FGF12: variants seen among roughly 807,000 people sequenced by gnomAD.
The protein encoded by FGF12 is fibroblast growth factor 12B.
Under a neutral mutation model 23.6 loss-of-function variants are expected in FGF12, and 14 were observed. The ratio of observed to expected loss-of-function variants is 0.59; its 90% confidence interval spans 0.39 to 0.93. The LOEUF (loss-of-function observed/expected upper bound fraction) is 0.93, where lower values mean the gene tolerates loss of function less well. Among genes scored for constraint, FGF12 ranks in the 40% least tolerant of loss-of-function variants. FGF12 has a pLI of 0.00. For missense variants in FGF12, 175 were observed against 217.8 expected (o/e 0.80, Z 1.24); for synonymous variants, 62 against 77.3 (o/e 0.80, Z 1.04).
At chr3:192,605,458 A>G (rs1175859265) in intron 2 of FGF12, among the ~76,000 whole-genome samples, 1 of 152,016 alleles carries the variant, frequency 6.6e-6, no homozygotes, top group Non-Finnish European at 1.5e-5. Flanking sequence ...GAAAGAATCT[A>G]TTACTAAGTC....
chr3:192,175,501 ATTC>A (rs1273881770), intron 4 of FGF12, among the ~76,000 whole-genome samples: 1 of 152,206 alleles, frequency 6.6e-6, no homozygotes, highest in Non-Finnish European at 1.5e-5. Context: ...AAACCTGCCC[ATTC>A]TTCAACTTCC....
intron 5 of FGF12, among the ~76,000 whole-genome samples, chr3:192,159,471 A>G (rs2108601848): frequency 6.6e-6 from 1 of 152,328 alleles, no homozygotes; most frequent in Non-Finnish European, 1.5e-5. Context: ...AGTGTTCCCC[A>G]GGAGTAAGTC....
intron 2 of FGF12, among the ~76,000 whole-genome samples, chr3:192,658,606 T>G: frequency 6.6e-6 from 1 of 152,154 alleles, no homozygotes; most frequent in Non-Finnish European, 1.5e-5. Context: ...AATAATAGGT[T>G]AGCTTGAGAA....
chr3:192,606,736 T>G (rs1053548515), intron 2 of FGF12, among the ~76,000 whole-genome samples: 2 of 152,042 alleles, frequency 1.3e-5, no homozygotes, highest in Non-Finnish European at 2.9e-5. Flanking sequence ...GGTCATACAG[T>G]TATTTAAAAG....
chr3:192,309,003 G>A (rs1394170682), intron 4 of FGF12, among the ~76,000 whole-genome samples: 1 of 152,114 alleles, frequency 6.6e-6, no homozygotes, highest in African/African-American at 2.4e-5. Flanking sequence ...TGTAAATATT[G>A]TATTTCATCT....
chr3:192,590,533 G>A (rs1713572326), intron 2 of FGF12, among the ~76,000 whole-genome samples: 1 of 151,916 alleles, frequency 6.6e-6, no homozygotes, highest in Non-Finnish European at 1.5e-5. Flanking sequence ...ATGAAATTAT[G>A]TAGGTAAGTA....
At chr3:192,225,361 T>G (rs577822095) in intron 4 of FGF12, among the ~76,000 whole-genome samples, 2 of 152,196 alleles carry the variant, frequency 1.3e-5, no homozygotes, top group South Asian at 4.2e-4. Flanking sequence ...CATCTCGTCT[T>G]TGATTTTTCC....
intron 4 of FGF12, among the ~76,000 whole-genome samples, chr3:192,291,840 T>G (rs1256759369): frequency 1.3e-5 from 2 of 152,230 alleles, no homozygotes; most frequent in African/African-American, 4.8e-5. Flanking sequence ...ACACAACTTG[T>G]GGAGCAAAAG....
chr3:192,170,583 A>G lies in FGF12; in HGVS notation c.302T>C (p.Leu101Pro). 6.2e-7 allele frequency: 1 copy of G among 1,614,034 alleles called. No homozygotes were observed. Among genetic ancestry groups the G allele is most frequent in the Non-Finnish European group, 8.5e-7 (1 of 1,179,972 alleles). Reference protein sequence around the residue: ...ENYYVIYSSTLYRQQESGRAW... With the variant: ...ENYYVIYSSTPYRQQESGRAW... ...TCGGCCTGATTCTTGCTGGCGGTAC[A>G]GTGTGGAAGAATAGATCACATAGTA... The change falls in exon 5 of 6, where the codon CTG (leucine) becomes CCG (proline). Residue 101 changes from leucine to proline, a missense_variant. Physicochemically the swap from Leu to Pro is moderately conservative, Grantham distance 98 (BLOSUM62 -3). Transcript: ENST00000445105.
At chr3:192,495,411 T>G (rs191101933) in intron 2 of FGF12, among the ~76,000 whole-genome samples, 7 of 151,956 alleles carry the variant, frequency 4.6e-5, no homozygotes, top group Admixed American at 2.0e-4. Flanking sequence ...CAGTATATAA[T>G]TGTTTTTATG....
chr3:192,446,246 A>G (rs1426671132), intron 2 of FGF12, among the ~76,000 whole-genome samples: 1 of 152,226 alleles, frequency 6.6e-6, no homozygotes, highest in Non-Finnish European at 1.5e-5. Flanking sequence ...ATACAGGGAA[A>G]TTCTTTCTAA....
intron 2 of FGF12, among the ~76,000 whole-genome samples, chr3:192,365,433 A>G (rs1213683690): frequency 6.6e-6 from 1 of 152,104 alleles, no homozygotes; most frequent in Non-Finnish European, 1.5e-5. Context: ...TGAATAAAGT[A>G]TGGATTTTAG....
chr3:192,420,787 T>G (rs1032732156), intron 2 of FGF12, among the ~76,000 whole-genome samples: 5 of 152,154 alleles, frequency 3.3e-5, no homozygotes, highest in African/African-American at 1.2e-4. Flanking sequence ...TATTTGTTTT[T>G]AGCAACATCA....
chr3:192,690,149 C>T (rs962502057), intron 2 of FGF12, among the ~76,000 whole-genome samples: 3 of 151,782 alleles, frequency 2.0e-5, no homozygotes, highest in South Asian at 2.1e-4. Context: ...ATAAGAAATG[C>T]TAAAGAGACT....
rs1209560815 is a variant in FGF12 at position 192,727,424 on chromosome 3, G to A, written c.-131+60C>T. ...CTCTACAGGGGATACGTTGCGACGCGCATCTGATACTGAAATGCATGCACA... is the reference window on the plus strand; with the variant it reads ...CTCTACAGGGGATACGTTGCGACGCACATCTGATACTGAAATGCATGCACA... On this transcript the variant is annotated intron_variant, in intron 1 of 5. Coordinates refer to ENST00000445105, the MANE Select transcript of FGF12 (RefSeq NM_004113.6). 7.1e-6 allele frequency: 9 copies of A among 1,261,100 alleles called. No homozygotes were observed. The East Asian group carries it at 7.7e-5, about 11-fold the overall frequency. 78.1% of individuals were successfully genotyped at this position (1,261,100 alleles called of 1,614,324 possible). A position where few individuals can be genotyped will look rare whatever the true frequency, so the allele number is the denominator to read the frequency against.
chr3:192,651,906 A>G (rs981521664), intron 2 of FGF12, among the ~76,000 whole-genome samples: 1 of 152,200 alleles, frequency 6.6e-6, no homozygotes, highest in Admixed American at 6.5e-5. Context: ...CTCTAGATTC[A>G]ATTCAGCTTC....
intron 4 of FGF12, among the ~76,000 whole-genome samples, chr3:192,174,764 G>T (rs912191178): frequency 2.6e-5 from 4 of 151,192 alleles, no homozygotes; most frequent in Admixed American, 6.6e-5. Context: ...AAAAATCAGG[G>T]TTTTCCTTCT....
At position 192,282,068 on chromosome 3, in the gene FGF12, C is replaced by T. The variant is rs377711545; in HGVS notation, c.228+53293G>A. Among the ~76,000 whole-genome samples, 14 of 152,208 alleles carry T rather than the reference C, an allele frequency of 9.2e-5. 2 individuals are homozygous for T. Among genetic ancestry groups the T allele is most frequent in the East Asian group, 1.9e-4 (1 of 5,176 alleles). ...TCACTTCATCCACTTGAAGAACATT[C>T]GTAAGTGATAGGTGGTGTTTTTAAT... On this transcript the variant is annotated intron_variant, in intron 4 of 5. Transcript: ENST00000445105.
intron 3 of FGF12, among the ~76,000 whole-genome samples, chr3:192,348,178 T>C (rs911534252): frequency 6.6e-6 from 1 of 152,154 alleles, no homozygotes; most frequent in Non-Finnish European, 1.5e-5. Flanking sequence ...ACTGTAATAC[T>C]GTGGAGTGGG....
Sources: allele counts gnomAD v4.1 joint callset (sites outside exome capture counted in the v4.1 genomes callset), GRCh38; gene constraint gnomAD v4.1.1; transcripts MANE v1.5; gene names NCBI Gene and HGNC (gene_info 2026-07-23, HGNC 2026-07-21).